CBR4: variants seen among roughly 807,000 people sequenced by gnomAD.
CBR4 encodes the protein carbonyl reductase 4, also known as 3-oxoacyl-[acyl-carrier-protein] reductase.
A neutral mutation model predicts 21.0 loss-of-function variants in CBR4; 22 were observed. That is an observed-to-expected ratio of 1.05 (90% CI 0.75 to 1.50). CBR4 has a LOEUF of 1.50. CBR4 is among the 40% of genes most tolerant of loss of function. The pLI is 0.00. For missense variants in CBR4, 302 were observed against 286.3 expected, an observed-to-expected ratio of 1.05 and a Z score of -0.40; for synonymous variants, 100 against 104.4, an observed-to-expected ratio of 0.96 and a Z score of 0.26.
chr4:168,901,538 A>G (rs981469742), intron 2 of CBR4, among the ~76,000 whole-genome samples: 16 of 152,210 alleles, frequency 1.1e-4, no homozygotes, highest in African/African-American at 3.6e-4. Flanking sequence ...TTGTATACTT[A>G]TTACAGCTTC....
chr4:169,007,562 T>C (rs1282418718), intron 2 of CBR4, 74 bp downstream of exon 2: 6 of 905,376 alleles, frequency 6.6e-6, no homozygotes, highest in Admixed American at 7.6e-5. Flanking sequence ...TATTAACTTA[T>C]ACCAATCAAA....
At chr4:168,936,651 C>T (rs1439275182) in intron 2 of CBR4, among the ~76,000 whole-genome samples, 1 of 151,954 alleles carries the variant, frequency 6.6e-6, no homozygotes, top group Non-Finnish European at 1.5e-5. Context: ...AAAGTATCAA[C>T]AGCTGAATCG....
At chr4:168,980,136 C>G (rs1179387203) in intron 2 of CBR4, among the ~76,000 whole-genome samples, 1 of 152,078 alleles carries the variant, frequency 6.6e-6, no homozygotes, top group Non-Finnish European at 1.5e-5. Context: ...TCTGCTACCC[C>G]CAAGACGGAA....
intron 2 of CBR4, among the ~76,000 whole-genome samples, chr4:168,973,843 T>C (rs749707168): frequency 2.6e-5 from 4 of 152,240 alleles, no homozygotes; most frequent in African/African-American, 9.6e-5. Flanking sequence ...AAGGTGTTCA[T>C]AGTAGTCTTG....
At chr4:168,958,893 T>C (rs1388432364) in intron 2 of CBR4, among the ~76,000 whole-genome samples, 1 of 152,218 alleles carries the variant, frequency 6.6e-6, no homozygotes, top group African/African-American at 2.4e-5. Flanking sequence ...TTTTGTTGTC[T>C]TATTATTCGT....
chr4:168,901,758 T>G (rs1756571124), intron 2 of CBR4, among the ~76,000 whole-genome samples: 1 of 152,102 alleles, frequency 6.6e-6, no homozygotes, highest in Middle Eastern at 3.2e-3. Context: ...CTCAGGAGGC[T>G]GAGGCAAGAG....
Position 168,926,288 on chromosome 4 carries a change from C to T in CBR4, n.170-31523G>A, listed in dbSNP as rs863224704. On this transcript the variant is annotated intron_variant and non_coding_transcript_variant, in intron 2 of 3. Coordinates refer to the CBR4 transcript ENST00000509108. ...TCAGCCAGTCGCTATGCAGCACTTT[C>T]GGACCAGGGACTAGACATCAAAGCA... is the stretch of plus-strand genomic sequence containing the variant. 1.5e-5 allele frequency: 23 copies of T among 1,537,122 alleles called. No individual in the cohort carries two copies. In the African/African-American group the frequency reaches 1.8e-4, roughly 12 times the overall value.
chr4:168,968,294 T>A (rs1764104257), intron 2 of CBR4, among the ~76,000 whole-genome samples: 1 of 152,202 alleles, frequency 6.6e-6, no homozygotes, highest in South Asian at 2.1e-4. Context: ...AAAAGGTTTG[T>A]AGGGCATTGC....
intron 2 of CBR4, chr4:168,896,546 C>T: frequency 6.8e-7 from 1 of 1,475,950 alleles, no homozygotes; most frequent in Non-Finnish European, 9.2e-7. Flanking sequence ...TCTACCATTA[C>T]AGGACATTGG....
rs747478418 is a variant in CBR4, at chr4:168,981,384, A to T, written n.169+20687T>A. On this transcript the variant is annotated intron_variant and non_coding_transcript_variant, in intron 2 of 3. Transcript: ENST00000509108. The stretch of plus-strand genomic sequence containing the variant: ...ACTGCACTCCTAGGCAACAGAGTGA[A>T]TGAGACTCAGTCTCAAAAAAATAAA... 3.2e-4 allele frequency among the ~76,000 whole-genome samples: 48 copies of T among 152,176 alleles called. 1 individual carries two copies. The highest frequency in any genetic ancestry group is 6.9e-4 in the Non-Finnish European group (47 of 68,014).
At chr4:168,947,965 A>T (rs1476236800) in intron 2 of CBR4, among the ~76,000 whole-genome samples, 2 of 152,146 alleles carry the variant, frequency 1.3e-5, no homozygotes, top group Admixed American at 1.3e-4. Flanking sequence ...TGTTTTTCAT[A>T]GTGGTTGTAC....
chr4:168,927,963 A>G (rs1762766224), intron 2 of CBR4: 1 of 196,568 alleles, frequency 5.1e-6, no homozygotes, highest in African/African-American at 2.3e-5. Flanking sequence ...ATTCATACGT[A>G]GTATTTTTTA....
At chr4:168,926,014 A>T (rs932863799) in intron 2 of CBR4, among the ~76,000 whole-genome samples, 8 of 152,040 alleles carry the variant, frequency 5.3e-5, no homozygotes, top group Non-Finnish European at 1.0e-4. Context: ...TAGCTGCTTT[A>T]TTCCCACTAT....
At chr4:169,009,882 A>C in intron 1 of CBR4, 66 bp downstream of exon 1, 1 of 1,456,180 alleles carries the variant, frequency 6.9e-7, no homozygotes, top group Non-Finnish European at 9.3e-7. Context: ...TCTTTTTACA[A>C]AGGAGATTTT....
At chr4:168,956,540 G>A (rs777359164) in intron 2 of CBR4, among the ~76,000 whole-genome samples, 3 of 126,914 alleles carry the variant, frequency 2.4e-5, no homozygotes, top group African/African-American at 9.1e-5. Flanking sequence ...AGAGGTTGTA[G>A]TGAACTGAGA....
intron 2 of CBR4, among the ~76,000 whole-genome samples, chr4:168,963,622 C>A (rs936441301): frequency 1.3e-5 from 2 of 151,930 alleles, no homozygotes; most frequent in African/African-American, 2.4e-5. Context: ...AGGTGCCCAC[C>A]GCCATGCCCA....
intron 4 of CBR4, 48 bp downstream of exon 4, chr4:169,002,023 A>C (rs1463206109): frequency 6.9e-7 from 1 of 1,442,694 alleles, no homozygotes; most frequent in East Asian, 2.4e-5. Context: ...TGGCTTCCCT[A>C]TAAAACAATA....
At position 168,905,138 on chromosome 4, in the gene CBR4, G is replaced by GTTTTTTGT. The variant is rs1560894892; in HGVS notation, n.170-10374_170-10373insACAAAAAA. Reference sequence around the variant, plus strand: ...TGAGACTTTGTTTTTTGTTTTGTTGGTTTTTTTTTTTTTTTTTTTTTTTTT... The same window carrying GTTTTTTGT: ...TGAGACTTTGTTTTTTGTTTTGTTGGTTTTTTGTTTTTTTTTTTTTTTTTTTTTTTTTT... On this transcript the variant is annotated intron_variant and non_coding_transcript_variant, in intron 2 of 3. Transcript: ENST00000509108. Among the ~76,000 whole-genome samples, 64 of 34,536 alleles carry GTTTTTTGT rather than the reference G, an allele frequency of 1.9e-3. 1 individual carries two copies. Among genetic ancestry groups the GTTTTTTGT allele is most frequent in the East Asian group, 3.8e-3 (2 of 524 alleles). 22.7% of individuals were successfully genotyped at this position (34,536 alleles called of 152,430 possible).
chr4:168,894,528 T>G, intron 3 of CBR4: 1 of 1,130,206 alleles, frequency 8.8e-7, no homozygotes, highest in Non-Finnish European at 1.3e-6. Context: ...GGGCAGTACA[T>G]ATTTGTGATT....
Sources: allele counts gnomAD v4.1 joint callset (sites outside exome capture counted in the v4.1 genomes callset), GRCh38; gene constraint gnomAD v4.1.1; transcripts MANE v1.5; gene names NCBI Gene and HGNC (gene_info 2026-07-23, HGNC 2026-07-21).